The following ZNF618 variants were observed in gnomAD, a reference collection of about 807,000 sequenced individuals.
ZNF618 encodes the protein neural precursor cell expressed, developmentally down-regulated 10.
In ZNF618, 34 loss-of-function variants were observed where a neutral mutation model predicts 103.0. That is an observed-to-expected ratio of 0.33 (90% CI 0.25 to 0.44). The LOEUF is 0.44. ZNF618 is among the 20% of genes least tolerant of loss of function. The pLI, the probability that ZNF618 is intolerant of heterozygous loss-of-function variation, is 1.00. For synonymous variants in ZNF618, 551 were observed against 542.2 expected (o/e 1.02, Z -0.23); for missense variants, 1,059 against 1,295.4 (o/e 0.82, Z 2.80).
intron 10 of ZNF618, among the ~76,000 whole-genome samples, chr9:114,027,224 C>A (rs1251535983): frequency 6.6e-6 from 1 of 152,204 alleles, no homozygotes; most frequent in African/African-American, 2.4e-5. Flanking sequence ...TACAAGTGTC[C>A]TTTGCCACCC....
chr9:113,897,318 C>T (rs1277054470), intron 1 of ZNF618, among the ~76,000 whole-genome samples: 1 of 152,100 alleles, frequency 6.6e-6, no homozygotes, highest in Non-Finnish European at 1.5e-5. Flanking sequence ...AAGAGATGTT[C>T]TGTAGTCTTA....
chr9:113,907,265 A>G (rs1164401634), intron 1 of ZNF618, among the ~76,000 whole-genome samples: 2 of 152,222 alleles, frequency 1.3e-5, no homozygotes, highest in Non-Finnish European at 2.9e-5. Context: ...ATAGTTCTGT[A>G]CTGTAAGATG....
rs1238576182 is a variant in ZNF618 at position 113,937,800 on chromosome 9, A to G, written c.34-31317A>G. Among the ~76,000 whole-genome samples the G allele has an allele frequency of 2.0e-5, 3 of 152,228 alleles. No individual in the cohort carries two copies. The East Asian group carries it at 5.8e-4, about 29-fold the overall frequency. ...TGAAATGACACAATCACAGTTTTCT[A>G]AATTCTGATATATACATGGATCTGC... On this transcript the variant is annotated intron_variant, in intron 1 of 14. Coordinates refer to ENST00000374126, the MANE Select transcript of ZNF618 (RefSeq NM_001318042.2).
intron 1 of ZNF618, among the ~76,000 whole-genome samples, chr9:113,953,310 G>A (rs1835943422): frequency 6.6e-6 from 1 of 152,156 alleles, no homozygotes; most frequent in African/African-American, 2.4e-5. Flanking sequence ...CTTCAATCAG[G>A]AGTAGCATGG....
intron 1 of ZNF618, among the ~76,000 whole-genome samples, chr9:113,886,843 C>T (rs1829112977): frequency 6.6e-6 from 1 of 150,540 alleles, no homozygotes; most frequent in Non-Finnish European, 1.5e-5. Flanking sequence ...ATTTCAAAGA[C>T]TTAGTAGAAA....
chr9:114,023,154 G>A (rs1172753856), intron 10 of ZNF618, among the ~76,000 whole-genome samples: 1 of 151,864 alleles, frequency 6.6e-6, no homozygotes, highest in East Asian at 1.9e-4. Flanking sequence ...TTAGATTTAA[G>A]TTTACTATCT....
At chr9:113,953,536 T>TTA (rs992071712) in intron 1 of ZNF618, among the ~76,000 whole-genome samples, 3 of 152,184 alleles carry the variant, frequency 2.0e-5, no homozygotes, top group Non-Finnish European at 4.4e-5. Context: ...TTATGTAAAG[T>TTA]TATATATAGA....
chr9:113,954,535 A>G (rs1836073174), intron 1 of ZNF618, among the ~76,000 whole-genome samples: 1 of 152,200 alleles, frequency 6.6e-6, no homozygotes, highest in African/African-American at 2.4e-5. Context: ...GGTGCAGTTC[A>G]AGACAAGGCA....
At chr9:113,995,243 T>TA (rs761311340) in intron 3 of ZNF618, among the ~76,000 whole-genome samples, 175 of 142,714 alleles carry the variant, frequency 1.2e-3, no homozygotes, top group African/African-American at 2.4e-3. Flanking sequence ...TTGAAATTTC[T>TA]AAAAAAAAAA....
chr9:114,029,083 C>T, intron 11 of ZNF618, 111 bp downstream of exon 11: 1 of 1,423,464 alleles, frequency 7.0e-7, no homozygotes, highest in East Asian at 2.5e-5. Context: ...AGTGGCAGTC[C>T]CGTAGTGATC....
chr9:114,032,770 AGCTTCGCCC>A (rs898771019), intron 12 of ZNF618, 42 bp downstream of exon 12: 1 of 1,583,958 alleles, frequency 6.3e-7, no homozygotes, highest in African/African-American at 1.3e-5. Flanking sequence ...GGTAGCTGCC[AGCTTCGCCC>A]GCTCCCCCCT....
intron 13 of ZNF618, among the ~76,000 whole-genome samples, chr9:114,039,179 C>G (rs1844897065): frequency 6.6e-6 from 1 of 152,144 alleles, no homozygotes; most frequent in Non-Finnish European, 1.5e-5. Flanking sequence ...GATGGAAGCC[C>G]TCTCAGAGGT....
rs564573829 is a variant in ZNF618, at chr9:114,002,398, G to A, written c.512-226G>A. ...GTGGCCCCCACAGGGCACTTGCTGA[G>A]GTCAGTGTGTGTGTTCCTCATGACA... On this transcript the variant is annotated intron_variant, in intron 5 of 14. Coordinates refer to ENST00000374126, the MANE Select transcript of ZNF618 (RefSeq NM_001318042.2). Among the ~76,000 whole-genome samples, 9 of 152,318 alleles carry A rather than the reference G, an allele frequency of 5.9e-5. No individual in the cohort carries two copies. In the East Asian group the frequency reaches 1.7e-3, roughly 29 times the overall value.
In ZNF618 at chr9:113,988,710, A is replaced by C. The variant is rs1839729928; in HGVS notation, c.337+130A>C. The C allele has an allele frequency of 3.7e-6, 5 of 1,334,428 alleles. No individual in the cohort carries two copies. In the Admixed American group the frequency reaches 1.1e-4, roughly 29 times the overall value. The allele number at this position is 1,334,428 out of a possible 1,614,324, so 82.7% of individuals were successfully genotyped here. ...AGAACCTTTGCTGGCTTCCCTCTGC[A>C]TTCAGGGAGAGATCTCAGCTTCTTA... is the stretch of plus-strand genomic sequence containing the variant. On this transcript the variant is annotated intron_variant, in intron 3 of 14. Transcript: ENST00000374126.
intron 1 of ZNF618, among the ~76,000 whole-genome samples, chr9:113,898,438 G>GTTTTTT (rs11457055): frequency 2.4e-5 from 3 of 124,080 alleles, no homozygotes; most frequent in South Asian, 2.6e-4. Context: ...CAGATTTTTC[G>GTTTTTT]TTTTTTTTTT....
intron 2 of ZNF618, among the ~76,000 whole-genome samples, chr9:113,973,345 G>A (rs1045786712): frequency 5.9e-5 from 9 of 152,118 alleles, no homozygotes; most frequent in South Asian, 2.1e-4. Context: ...CTGCTACTAC[G>A]CCAGGGTCCG....
chr9:113,996,514 C>T (rs1564273299), intron 3 of ZNF618, among the ~76,000 whole-genome samples: 1 of 152,192 alleles, frequency 6.6e-6, no homozygotes, highest in Non-Finnish European at 1.5e-5. Context: ...GCGTCCCCCT[C>T]TGTGACTTCA....
intron 9 of ZNF618, among the ~76,000 whole-genome samples, chr9:114,013,788 T>C (rs1347941354): frequency 6.6e-6 from 1 of 152,204 alleles, no homozygotes; most frequent in East Asian, 1.9e-4. Context: ...GTAAAGTAGG[T>C]TAAGCCTTCC....
intron 1 of ZNF618, among the ~76,000 whole-genome samples, chr9:113,933,402 C>G (rs1833771077): frequency 6.6e-6 from 1 of 152,144 alleles, no homozygotes; most frequent in African/African-American, 2.4e-5. Flanking sequence ...GACCTCGGGT[C>G]CAAGCCAAGA....
Sources: allele counts gnomAD v4.1 joint callset (sites outside exome capture counted in the v4.1 genomes callset), GRCh38; gene constraint gnomAD v4.1.1; transcripts MANE v1.5; gene names NCBI Gene and HGNC (gene_info 2026-07-23, HGNC 2026-07-21).